The following CNGB3 variants were observed in gnomAD, a reference collection of about 807,000 sequenced individuals.
The protein encoded by CNGB3 is cyclic nucleotide-gated channel beta-3.
A neutral mutation model predicts 92.8 loss-of-function variants in CNGB3; 86 were observed. The ratio of observed to expected loss-of-function variants is 0.93; its 90% CI spans 0.78 to 1.11. CNGB3 has a LOEUF of 1.11. CNGB3 is among the 50% of genes least tolerant of loss of function. CNGB3 has a pLI of 0.00. For synonymous variants in CNGB3, 333 were observed against 332.7 expected (o/e 1.00, Z -0.01); for missense variants, 1,026 against 956.8 (o/e 1.07, Z -0.95).
chr8:86,594,022 C>T (rs1435599328), intron 15 of CNGB3: 2 of 385,396 alleles, frequency 5.2e-6, no homozygotes, highest in South Asian at 2.2e-5. Context: ...GGCCCTAGGA[C>T]ATGAGGACCC....
At chr8:86,688,432 T>C (rs947216231) in intron 3 of CNGB3, among the ~76,000 whole-genome samples, 4 of 152,100 alleles carry the variant, frequency 2.6e-5, no homozygotes, top group African/African-American at 9.6e-5. Flanking sequence ...TTGAGACCCC[T>C]TCATTATCAT....
At chr8:86,739,895 C>T (rs542621169) in intron 1 of CNGB3, among the ~76,000 whole-genome samples, 159 bp from the exon 2 acceptor site, 2 of 152,262 alleles carry the variant, frequency 1.3e-5, no homozygotes, top group East Asian at 3.9e-4. Flanking sequence ...AATGGGCATT[C>T]TTGGCCTACT....
chr8:86,583,055 C>T (rs894865097), intron 15 of CNGB3, among the ~76,000 whole-genome samples: 8 of 10,208 alleles, frequency 7.8e-4, no homozygotes, highest in African/African-American at 4.3e-3. Flanking sequence ...GTGTCCACCA[C>T]CATGCCTGGC....
At chr8:86,662,976 T>C (rs1174578189) in intron 6 of CNGB3, among the ~76,000 whole-genome samples, 9 of 152,236 alleles carry the variant, frequency 5.9e-5, no homozygotes, top group Admixed American at 5.9e-4. Context: ...GTTTAGTTTC[T>C]TCAAGTTAAT....
At chr8:86,698,059 C>A (rs1824484281) in intron 3 of CNGB3, among the ~76,000 whole-genome samples, 1 of 152,084 alleles carries the variant, frequency 6.6e-6, no homozygotes, top group Non-Finnish European at 1.5e-5. Context: ...CATTTGGGAA[C>A]CTTTTATTTT....
intron 15 of CNGB3, among the ~76,000 whole-genome samples, chr8:86,582,255 C>A (rs1339123236): frequency 6.6e-6 from 1 of 151,872 alleles, no homozygotes; most frequent in Admixed American, 6.6e-5. Flanking sequence ...TTTAGCCGGG[C>A]ATAGTGGCAT....
intron 3 of CNGB3, among the ~76,000 whole-genome samples, chr8:86,719,642 A>G (rs1279477635): frequency 6.6e-6 from 1 of 152,170 alleles, no homozygotes; most frequent in African/African-American, 2.4e-5. Context: ...ACTAGAAAAA[A>G]CAATTCTAAA....
intron 13 of CNGB3, among the ~76,000 whole-genome samples, chr8:86,612,453 T>G (rs1721674665): frequency 6.6e-6 from 1 of 152,234 alleles, no homozygotes; most frequent in Non-Finnish European, 1.5e-5. Context: ...TTTCCTCTTG[T>G]GGGTGGTCCT....
chr8:86,621,161 G>A (rs1167869121), intron 13 of CNGB3, among the ~76,000 whole-genome samples: 1 of 152,122 alleles, frequency 6.6e-6, no homozygotes, highest in Non-Finnish European at 1.5e-5. Context: ...AAAAGTCATT[G>A]GTATCTAATT....
chr8:86,688,430 C>G (rs745860059), intron 3 of CNGB3, among the ~76,000 whole-genome samples: 2 of 152,004 alleles, frequency 1.3e-5, no homozygotes, highest in East Asian at 1.9e-4. Context: ...TATTGAGACC[C>G]CTTCATTATC....
At chr8:86,701,296 A>G (rs1824551698) in intron 3 of CNGB3, among the ~76,000 whole-genome samples, 1 of 152,182 alleles carries the variant, frequency 6.6e-6, no homozygotes, top group South Asian at 2.1e-4. Flanking sequence ...TTTTAAGTTT[A>G]AATTAGCAAA....
intron 3 of CNGB3, among the ~76,000 whole-genome samples, chr8:86,720,444 A>G (rs572280324): frequency 4.6e-5 from 7 of 152,332 alleles, no homozygotes; most frequent in African/African-American, 1.4e-4. Context: ...CAAAACCACA[A>G]TGCAATACCA....
At position 86,594,040 on chromosome 8, in the gene CNGB3, C is replaced by A. The variant is rs1261173863; in HGVS notation, c.1781+10053G>T. On this transcript the variant is annotated intron_variant, in intron 15 of 17. Coordinates refer to ENST00000320005, the MANE Select transcript of CNGB3 (RefSeq NM_019098.5). ...CCTAGGACATGAGGACCCTGCCAAG[C>A]CCACAGTAAGCTAATACATGCCCAG... 2.5e-5 allele frequency: 9 copies of A among 364,060 alleles called. 1 individual carries two copies. The highest frequency in any genetic ancestry group is 4.3e-5 in the Non-Finnish European group (8 of 186,776). 22.6% of individuals were successfully genotyped at this position (364,060 alleles called of 1,614,324 possible).
intron 15 of CNGB3, among the ~76,000 whole-genome samples, chr8:86,587,555 T>C (rs57346692): frequency 0.024 from 3,580 of 152,088 alleles, 141 homozygotes; most frequent in African/African-American, 0.08. Context: ...TTTCTACATA[T>C]GGCTAGCCAG....
rs148647655 is a variant in CNGB3, at chr8:86,642,152, C to T, written c.1178+1599G>A. Reference sequence around the variant, plus strand: ...AGTCCCTAGAAACTCCACAGAGAGGCGTCTAGGTGTAAAAGGAGAAATAGC... The same window carrying T: ...AGTCCCTAGAAACTCCACAGAGAGGTGTCTAGGTGTAAAAGGAGAAATAGC... On this transcript the variant is annotated intron_variant, in intron 10 of 17. Coordinates refer to ENST00000320005, the MANE Select transcript of CNGB3 (RefSeq NM_019098.5). Among the ~76,000 whole-genome samples the T allele has an allele frequency of 2.7e-3, 413 of 151,622 alleles. 1 individual carries two copies. Among genetic ancestry groups the T allele is most frequent in the African/African-American group, 9.4e-3 (389 of 41,418 alleles).
intron 3 of CNGB3, among the ~76,000 whole-genome samples, chr8:86,678,974 AT>A (rs540112847): frequency 1.2e-3 from 188 of 152,168 alleles, no homozygotes; most frequent in South Asian, 8.3e-3. Flanking sequence ...GGCTTCAGGT[AT>A]TTTTTTGGGA....
intron 3 of CNGB3, among the ~76,000 whole-genome samples, chr8:86,695,272 CAGAGGGAGACCGTGGAAAGAGAGGG>C (rs1231760363): frequency 2.6e-5 from 4 of 152,224 alleles, no homozygotes; most frequent in African/African-American, 7.2e-5. Flanking sequence ...GGCTCGGCAT[CAGAGGGAGACCGTGGAAAGAGAGGG>C]AGAGGGAGAC....
At chr8:86,699,644 A>G (rs1824515583) in intron 3 of CNGB3, among the ~76,000 whole-genome samples, 1 of 152,194 alleles carries the variant, frequency 6.6e-6, no homozygotes, top group African/African-American at 2.4e-5. Context: ...AAAAGGAAAA[A>G]CTGCTGAAAG....
chr8:86,586,500 C>A (rs979824826), intron 15 of CNGB3, among the ~76,000 whole-genome samples: 1 of 131,112 alleles, frequency 7.6e-6, no homozygotes, highest in Non-Finnish European at 1.6e-5. Context: ...CCCCACCACA[C>A]AACAGTCCCC....
Sources: allele counts gnomAD v4.1 joint callset (sites outside exome capture counted in the v4.1 genomes callset), GRCh38; gene constraint gnomAD v4.1.1; transcripts MANE v1.5; gene names NCBI Gene and HGNC (gene_info 2026-07-23, HGNC 2026-07-21).